ANXA8: variants seen among roughly 807,000 people sequenced by gnomAD.
ANXA8 encodes the protein annexin A8, also known as VAC-beta.
Under a neutral mutation model 26.8 loss-of-function variants are expected in ANXA8, and 9 were observed. The observed-to-expected ratio is 0.34, with a 90% confidence interval of 0.20 to 0.59. The LOEUF is 0.59. ANXA8 is among the 20% of genes least tolerant of loss of function. The pLI is 0.84. For missense variants in ANXA8, 83 were observed against 238.5 expected (o/e 0.35, Z 4.29); for synonymous variants, 39 against 94.8 (o/e 0.41, Z 3.42).
At chr10:47,519,125 G>C in the ANXA8 span, among the ~76,000 whole-genome samples, 31 of 137,192 alleles carry the variant, frequency 2.3e-4, 5 homozygotes, top group Non-Finnish European at 1.2e-4. Flanking sequence ...TGAATGGCTT[G>C]GTCCCATCCC....
the ANXA8 span, among the ~76,000 whole-genome samples, chr10:47,975,982 C>G: frequency 6.7e-6 from 1 of 150,114 alleles, no homozygotes; most frequent in African/African-American, 2.4e-5. Context: ...AATTTTCTGA[C>G]TGAAGGGTAA....
the ANXA8 span, among the ~76,000 whole-genome samples, chr10:47,627,044 G>A: frequency 6.7e-6 from 1 of 149,280 alleles, no homozygotes; most frequent in Non-Finnish European, 1.5e-5. Context: ...AATCAGAACT[G>A]TAAGAATTCT....
the ANXA8 span, among the ~76,000 whole-genome samples, chr10:47,767,810 G>A: frequency 2.0e-5 from 3 of 150,902 alleles, no homozygotes; most frequent in African/African-American, 7.4e-5. Flanking sequence ...AGCAGAAGGA[G>A]CTAAGTCTGG....
the ANXA8 span, among the ~76,000 whole-genome samples, chr10:47,598,913 ATGATTT>A: frequency 1.7e-4 from 3 of 17,544 alleles, no homozygotes; most frequent in Non-Finnish European, 9.6e-4. Flanking sequence ...ATCAAATAAA[ATGATTT>A]CCATGAATAA....
chr10:47,592,504 C>A, the ANXA8 span, among the ~76,000 whole-genome samples: 1 of 149,402 alleles, frequency 6.7e-6, no homozygotes, highest in Non-Finnish European at 1.5e-5. Flanking sequence ...CCTGTCAACC[C>A]CTTCCCAGAG....
the ANXA8 span, among the ~76,000 whole-genome samples, chr10:47,720,926 C>T: frequency 1.3e-4 from 18 of 138,070 alleles, 5 homozygotes; most frequent in East Asian, 4.6e-3. Flanking sequence ...GTGGGGGGAT[C>T]GCTTGAGCCC....
At chr10:47,491,765 G>C in the ANXA8 span, 36 of 1,534,680 alleles carry the variant, frequency 2.3e-5, no homozygotes, top group Non-Finnish European at 2.7e-5. Flanking sequence ...AGGCTCTGGG[G>C]CAATAAGCCC....
At chr10:47,521,954 TA>T in the ANXA8 span, among the ~76,000 whole-genome samples, 1 of 150,566 alleles carries the variant, frequency 6.6e-6, no homozygotes, top group African/African-American at 2.5e-5. Context: ...CTAATTTTTG[TA>T]TTTTCTTTTT....
the ANXA8 span, among the ~76,000 whole-genome samples, chr10:47,971,214 G>A: frequency 2.0e-5 from 3 of 150,842 alleles, no homozygotes; most frequent in Non-Finnish European, 4.5e-5. Context: ...GGTGTCCTGT[G>A]CACACTCTTC....
At chr10:47,552,241 A>G in the ANXA8 span, among the ~76,000 whole-genome samples, 1 of 151,812 alleles carries the variant, frequency 6.6e-6, no homozygotes, top group South Asian at 2.1e-4. Flanking sequence ...GAAATATTCT[A>G]TATCTGTACT....
the ANXA8 span, among the ~76,000 whole-genome samples, chr10:47,916,610 C>G: frequency 7.5e-6 from 1 of 134,156 alleles, no homozygotes; most frequent in South Asian, 2.4e-4. Context: ...TCATACCACA[C>G]CAGTTAGGCA....
the ANXA8 span, among the ~76,000 whole-genome samples, chr10:47,649,413 A>T: frequency 8.7e-5 from 13 of 148,708 alleles, no homozygotes; most frequent in Non-Finnish European, 1.9e-4. Flanking sequence ...TTAAAATTAA[A>T]TTTTTTTTTT....
At chr10:47,527,848 T>C in the ANXA8 span, among the ~76,000 whole-genome samples, 3 of 147,820 alleles carry the variant, frequency 2.0e-5, no homozygotes, top group Middle Eastern at 3.5e-3. Flanking sequence ...TATACTTCTA[T>C]GTTAAAGGGA....
At chr10:47,778,557 G>T in the ANXA8 span, among the ~76,000 whole-genome samples, 1 of 151,810 alleles carries the variant, frequency 6.6e-6, no homozygotes, top group Admixed American at 6.6e-5. Flanking sequence ...TGCTTCTTCA[G>T]AAAATTATTC....
chr10:47,979,602 T>C, the ANXA8 span, among the ~76,000 whole-genome samples: 2 of 151,074 alleles, frequency 1.3e-5, no homozygotes, highest in South Asian at 2.1e-4. Flanking sequence ...TTCCTAACCA[T>C]GGTAGGGAGA....
the ANXA8 span, chr10:47,510,134 A>G: frequency 2.5e-6 from 3 of 1,180,302 alleles, no homozygotes; most frequent in African/African-American, 3.5e-5. Context: ...ATTTCCGAAT[A>G]AAGGAATCTG....
chr10:47,553,908 G>A, the ANXA8 span, among the ~76,000 whole-genome samples: 11 of 149,292 alleles, frequency 7.4e-5, no homozygotes, highest in Admixed American at 7.4e-4. Context: ...ACTATGGCTG[G>A]ATTGGGAGTC....
At chr10:47,959,424 C>T in the ANXA8 span, among the ~76,000 whole-genome samples, 1 of 149,488 alleles carries the variant, frequency 6.7e-6, no homozygotes, top group Non-Finnish European at 1.5e-5. Context: ...AGAGGACCCA[C>T]ATTGGCCAGA....
chr10:47,768,590 C>T, the ANXA8 span, among the ~76,000 whole-genome samples: 10 of 150,510 alleles, frequency 6.6e-5, no homozygotes, highest in Non-Finnish European at 1.0e-4. Flanking sequence ...CCACCTCCTA[C>T]GGCTGGCCAG....
Sources: allele counts gnomAD v4.1 joint callset (sites outside exome capture counted in the v4.1 genomes callset), GRCh38; gene constraint gnomAD v4.1.1; transcripts MANE v1.5; gene names NCBI Gene and HGNC (gene_info 2026-07-23, HGNC 2026-07-21).